ATP5PO: variants seen among roughly 807,000 people sequenced by gnomAD.
The protein encoded by ATP5PO is ATP synthase peripheral stalk subunit OSCP, mitochondrial.
A neutral mutation model predicts 26.2 loss-of-function variants in ATP5PO; 14 were observed. That is an observed-to-expected ratio of 0.53 (90% CI 0.35 to 0.83). ATP5PO has a LOEUF of 0.83. Ranked by LOEUF, ATP5PO falls within the 40% of genes least tolerant of loss-of-function variation. The probability of loss-of-function intolerance (pLI) is 0.01; values close to 1 mark genes in which losing one functional copy is unlikely to be tolerated. For missense variants in ATP5PO, 241 were observed against 258.5 expected (o/e 0.93, Z 0.46); for synonymous variants, 106 against 95.1 (o/e 1.12, Z -0.67).
intron 5 of ATP5PO, among the ~76,000 whole-genome samples, chr21:33,905,806 G>A (rs1341306544): frequency 6.6e-6 from 1 of 151,358 alleles, no homozygotes; most frequent in Non-Finnish European, 1.5e-5. Context: ...CAGCTACTTG[G>A]GAGGCTGAGG....
At chr21:33,905,911 C>CAAAAAAAAA (rs1987163585) in intron 5 of ATP5PO, among the ~76,000 whole-genome samples, 1 of 22,756 alleles carries the variant, frequency 4.4e-5, no homozygotes, top group African/African-American at 1.7e-4. Flanking sequence ...GACTCAGTCT[C>CAAAAAAAAA]AAAAAAGAAA....
At chr21:33,911,378 GC>G (rs369468864) in intron 3 of ATP5PO, among the ~76,000 whole-genome samples, 7 of 152,060 alleles carry the variant, frequency 4.6e-5, no homozygotes, top group Admixed American at 1.3e-4. Flanking sequence ...TAACTCTGCT[GC>G]CCAGCGCGCC....
intron 1 of ATP5PO, 37 bp from the exon 2 acceptor site, chr21:33,914,537 T>C (rs769015276): frequency 2.5e-6 from 4 of 1,587,074 alleles, no homozygotes; most frequent in Non-Finnish European, 3.4e-6. Context: ...CAAACAAAAT[T>C]ACTTGAAGGA....
chr21:33,913,576 T>C (rs971828102), intron 2 of ATP5PO, among the ~76,000 whole-genome samples: 5 of 152,202 alleles, frequency 3.3e-5, no homozygotes, highest in African/African-American at 1.2e-4. Flanking sequence ...GGGGGCCTTC[T>C]GGGGAACTTC....
At chr21:33,908,003 TAAA>T (rs1987196556) in intron 4 of ATP5PO, among the ~76,000 whole-genome samples, 1 of 150,012 alleles carries the variant, frequency 6.7e-6, no homozygotes, top group Non-Finnish European at 1.5e-5. Context: ...AAAAAAAAAC[TAAA>T]AAATTAGCTG....
At chr21:33,905,311 T>A (rs1987155609) in intron 5 of ATP5PO, among the ~76,000 whole-genome samples, 1 of 152,126 alleles carries the variant, frequency 6.6e-6, no homozygotes, top group Admixed American at 6.5e-5. Context: ...GCACATTTCA[T>A]GCCTACTATC....
chr21:33,909,336 A>G, intron 3 of ATP5PO, 125 bp from the exon 4 acceptor site: 2 of 1,079,672 alleles, frequency 1.9e-6, no homozygotes, highest in Non-Finnish European at 2.6e-6. Flanking sequence ...GCTGGAGTGC[A>G]GTGGCGCAAT....
chr21:33,911,148 C>T (rs558610343), intron 3 of ATP5PO, among the ~76,000 whole-genome samples: 41 of 152,160 alleles, frequency 2.7e-4, no homozygotes, highest in African/African-American at 9.4e-4. Flanking sequence ...GCTAGAAAAT[C>T]GAAGGAAGCA....
In ATP5PO at chr21:33,914,603, CTTTTGT is replaced by C; in HGVS notation, c.37-109_37-104del. ...ATTTTAAATAACCTTAAAATCATTA[CTTTTGT>C]CTCTTTGTATATTCACATATTACAT... is the stretch of plus-strand genomic sequence containing the variant. On this transcript the variant is annotated intron_variant, in intron 1 of 6. Coordinates refer to ENST00000290299, the MANE Select transcript of ATP5PO (RefSeq NM_001697.3). 1.7e-5 allele frequency: 18 copies of C among 1,074,010 alleles called. No individual in the cohort carries two copies. In the South Asian group the frequency reaches 2.6e-4, roughly 15 times the overall value. 66.5% of individuals were successfully genotyped at this position (1,074,010 alleles called of 1,614,324 possible).
intron 5 of ATP5PO, chr21:33,906,763 G>A (rs1263394570): frequency 2.2e-6 from 1 of 456,106 alleles, no homozygotes; most frequent in African/African-American, 2.0e-5. Context: ...CAAGGCAGGT[G>A]GGTCACTTGA....
chr21:33,910,680 G>A (rs759575169), intron 3 of ATP5PO, among the ~76,000 whole-genome samples: 7 of 152,180 alleles, frequency 4.6e-5, no homozygotes, highest in Non-Finnish European at 8.8e-5. Flanking sequence ...GTGAGACCCC[G>A]TCTGTTCCTG....
chr21:33,907,762 G>T (rs998495506), intron 4 of ATP5PO, among the ~76,000 whole-genome samples: 6 of 152,142 alleles, frequency 3.9e-5, no homozygotes, highest in Non-Finnish European at 8.8e-5. Context: ...GGAGTTTAAG[G>T]CTGCAGTGTG....
intron 3 of ATP5PO, 39 bp downstream of exon 3, chr21:33,912,250 A>G (rs368448400): frequency 6.5e-7 from 1 of 1,549,586 alleles, no homozygotes; most frequent in Admixed American, 1.7e-5. Context: ...AAATATACAA[A>G]CAGGAACTTC....
chr21:33,910,765 C>T (rs892478188), intron 3 of ATP5PO, among the ~76,000 whole-genome samples: 6 of 152,312 alleles, frequency 3.9e-5, no homozygotes, highest in African/African-American at 1.4e-4. Context: ...GAGTTTATCA[C>T]ACCAGCTAAG....
intron 5 of ATP5PO, among the ~76,000 whole-genome samples, chr21:33,905,927 A>AAAAAAAAAAG (rs1987165542): frequency 6.6e-6 from 1 of 150,652 alleles, no homozygotes; most frequent in Non-Finnish European, 1.5e-5. Flanking sequence ...AGAAAAAAAA[A>AAAAAAAAAAG]AAAAAAAAAA....
At chr21:33,904,445 A>G (rs1396485796) in intron 5 of ATP5PO, among the ~76,000 whole-genome samples, 1 of 152,168 alleles carries the variant, frequency 6.6e-6, no homozygotes, top group Non-Finnish European at 1.5e-5. Context: ...CCTTGGCTGA[A>G]AAGTTGCCAT....
intron 4 of ATP5PO, among the ~76,000 whole-genome samples, chr21:33,908,245 T>A (rs2239564): frequency 0.26 from 39,133 of 150,626 alleles, 5,265 homozygotes; most frequent in East Asian, 0.31. Context: ...TTTTTTTTTT[T>A]AAATAGACTG....
intron 5 of ATP5PO, among the ~76,000 whole-genome samples, chr21:33,905,179 G>C (rs575847191): frequency 6.6e-6 from 1 of 152,146 alleles, no homozygotes; most frequent in East Asian, 1.9e-4. Context: ...GGGTGCTGGT[G>C]GTGGCCAGAA....
At chr21:33,905,636 T>G (rs1411080175) in intron 5 of ATP5PO, among the ~76,000 whole-genome samples, 1 of 152,074 alleles carries the variant, frequency 6.6e-6, no homozygotes, top group African/African-American at 2.4e-5. Context: ...CTTGTGGCTG[T>G]GCACGGTGGC....
Sources: allele counts gnomAD v4.1 joint callset (sites outside exome capture counted in the v4.1 genomes callset), GRCh38; gene constraint gnomAD v4.1.1; transcripts MANE v1.5; gene names NCBI Gene and HGNC (gene_info 2026-07-23, HGNC 2026-07-21).